Variants in ADCY10 observed in about 807,000 individuals in gnomAD.
The protein encoded by ADCY10 is adenylate cyclase type 10.
A neutral mutation model predicts 183.3 loss-of-function variants in ADCY10; 156 were observed. The ratio of observed to expected loss-of-function variants is 0.85; its 90% CI spans 0.75 to 0.97. The LOEUF is 0.97. ADCY10 is among the 50% of genes least tolerant of loss of function. ADCY10 has a pLI of 0.00. For missense variants in ADCY10, 1,745 were observed against 1,934.3 expected, an observed-to-expected ratio of 0.90 and a Z score of 1.84; for synonymous variants, 645 against 670.0, an observed-to-expected ratio of 0.96 and a Z score of 0.58.
At chr1:167,873,268 G>A (rs1404732452) in intron 13 of ADCY10, among the ~76,000 whole-genome samples, 2 of 152,224 alleles carry the variant, frequency 1.3e-5, no homozygotes, top group Admixed American at 6.5e-5. Flanking sequence ...TTTGGAATCT[G>A]GACTTAAATG....
chr1:167,854,946 C>T (rs1364092033), intron 17 of ADCY10, among the ~76,000 whole-genome samples: 1 of 152,158 alleles, frequency 6.6e-6, no homozygotes, highest in Non-Finnish European at 1.5e-5. Context: ...GCAGGGCAAC[C>T]TCATTGCAGA....
intron 6 of ADCY10, among the ~76,000 whole-genome samples, chr1:167,897,607 G>T (rs77614328): frequency 0.53 from 136 of 256 alleles, 68 homozygotes; most frequent in East Asian, 1. Context: ...AGAGATGTGT[G>T]TGACAACATC....
chr1:167,836,520 T>A lies in ADCY10; in HGVS notation c.3098A>T (p.Lys1033Met), dbSNP rs1479516263. 1 of 1,608,920 alleles carries A rather than the reference T, an allele frequency of 6.2e-7. No homozygotes were observed. Among genetic ancestry groups the A allele is most frequent in the Admixed American group, 1.7e-5 (1 of 60,020 alleles). ...ENRSPEEIRE[K>M]ILNFFDHVLT... ...AACGTGGTCAAAGAAATTCAAGATC[T>A]TTTCTCTTATTTCTTCAGGACTGTC... is the stretch of plus-strand genomic sequence containing the variant. Residue 1033 changes from lysine (K) to methionine (M), a missense_variant, in exon 23 of 33, where the codon AAG becomes ATG. Physicochemically the swap from Lys to Met is moderately conservative, Grantham distance 95. Transcript: ENST00000367851.
intron 18 of ADCY10, among the ~76,000 whole-genome samples, chr1:167,853,674 T>C (rs1217763528): frequency 6.6e-6 from 1 of 152,118 alleles, no homozygotes. Context: ...TCCCTGTATA[T>C]ATCTGTGTAG....
chr1:167,851,341 C>T (rs1250421611), intron 18 of ADCY10, among the ~76,000 whole-genome samples: 1 of 151,936 alleles, frequency 6.6e-6, no homozygotes, highest in Non-Finnish European at 1.5e-5. Flanking sequence ...CGTGCGACAC[C>T]ACACCCGGCT....
intron 30 of ADCY10, among the ~76,000 whole-genome samples, chr1:167,819,421 TAG>T (rs1282926352): frequency 6.6e-6 from 1 of 152,038 alleles, no homozygotes; most frequent in Non-Finnish European, 1.5e-5. Flanking sequence ...ATATTTTTAG[TAG>T]AGACACGGTT....
chr1:167,836,754 G>A (rs1245557394), intron 22 of ADCY10, among the ~76,000 whole-genome samples: 2 of 152,114 alleles, frequency 1.3e-5, no homozygotes, highest in East Asian at 1.9e-4. Context: ...GGCCGGGTGC[G>A]GTGGCTCATG....
rs141604385 is a variant in ADCY10, at chr1:167,856,266, C to T, written c.2070G>A (p.Arg690=). The part of the protein sequence containing the change: ...CAAARAVIKN[R]NTTYIVIGAV... Reference sequence around the variant, plus strand: ...CACCAATGACAATGTAGGTGGTGTTCCTGTTCTTTATTACGGCCCTGGCAG... The same window carrying T: ...CACCAATGACAATGTAGGTGGTGTTTCTGTTCTTTATTACGGCCCTGGCAG... Residue 690 remains arginine, a synonymous_variant, in exon 17 of 33, where the codon AGG becomes AGA. Transcript: ENST00000367851. The T allele has an allele frequency of 4.3e-6, 7 of 1,613,844 alleles. No homozygotes were observed. Among genetic ancestry groups the T allele is most frequent in the Non-Finnish European group, 5.9e-6 (7 of 1,179,870 alleles).
In ADCY10 at chr1:167,861,764, C is replaced by T. The variant is rs547270196; in HGVS notation, c.1617-701G>A. 4.5e-4 allele frequency among the ~76,000 whole-genome samples: 68 copies of T among 152,278 alleles called. 1 individual carries two copies. In the South Asian group the frequency reaches 0.012, roughly 27 times the overall value. On this transcript the variant is annotated intron_variant, in intron 14 of 32. Coordinates refer to ENST00000367851, the MANE Select transcript of ADCY10 (RefSeq NM_018417.6). ...CTGATATGGTTTGGCTCTGTGTCCT[C>T]ACCCAAATCTCATCCCGTATTGCAA...
chr1:167,837,377 T>A, intron 21 of ADCY10, 59 bp from the exon 22 acceptor site: 4 of 1,418,714 alleles, frequency 2.8e-6, no homozygotes, highest in Non-Finnish European at 2.0e-6. Flanking sequence ...AGTGGAGATA[T>A]CTGCTGTCTA....
rs111677602 is a variant in ADCY10, at chr1:167,870,788, G to A, written c.1463-378C>T. Among the ~76,000 whole-genome samples the A allele has an allele frequency of 6.0e-3, 895 of 149,140 alleles. 10 individuals carry two copies. The highest frequency in any genetic ancestry group is 0.021 in the African/African-American group (840 of 40,220). Reference sequence around the variant, plus strand: ...CCTGCCATTGCACTCCAGCCTGGGCGACAAGCAAAACTCCATCTAAAAAAA... The same window carrying A: ...CCTGCCATTGCACTCCAGCCTGGGCAACAAGCAAAACTCCATCTAAAAAAA... On this transcript the variant is annotated intron_variant, in intron 13 of 32. Coordinates refer to ENST00000367851, the MANE Select transcript of ADCY10 (RefSeq NM_018417.6).
chr1:167,864,216 ATG>A (rs946197611), intron 14 of ADCY10, among the ~76,000 whole-genome samples: 8 of 152,190 alleles, frequency 5.3e-5, no homozygotes, highest in African/African-American at 1.9e-4. Flanking sequence ...TGTGGTGTGC[ATG>A]TGGTGTGAGA....
At chr1:167,872,335 T>C (rs1453489933) in intron 13 of ADCY10, among the ~76,000 whole-genome samples, 3 of 146,692 alleles carry the variant, frequency 2.0e-5, no homozygotes, top group Admixed American at 6.9e-5. Context: ...CAAAACTCCA[T>C]CTCAAAAAAA....
chr1:167,835,282 T>G (rs1212974297), intron 23 of ADCY10, among the ~76,000 whole-genome samples: 5 of 152,304 alleles, frequency 3.3e-5, no homozygotes, highest in African/African-American at 1.2e-4. Context: ...TAGCCTGGCC[T>G]TTACCCTTCT....
chr1:167,888,496 TA>T, intron 8 of ADCY10, among the ~76,000 whole-genome samples: 1 of 152,172 alleles, frequency 6.6e-6, no homozygotes, highest in Middle Eastern at 3.4e-3. Flanking sequence ...GGTTAATTAC[TA>T]GGTACTTTAT....
intron 14 of ADCY10, among the ~76,000 whole-genome samples, chr1:167,865,822 C>G (rs1009118409): frequency 6.6e-6 from 1 of 152,246 alleles, no homozygotes; most frequent in Admixed American, 6.5e-5. Context: ...CAGAGGCCCT[C>G]ATTGTCCCCC....
chr1:167,866,213 G>A (rs185285798), intron 14 of ADCY10, among the ~76,000 whole-genome samples: 54 of 152,194 alleles, frequency 3.5e-4, no homozygotes, highest in African/African-American at 1.3e-3. Context: ...TTTCACCCTG[G>A]CATTTCATCA....
chr1:167,898,609 A>ATTT (rs1669173575), intron 6 of ADCY10, among the ~76,000 whole-genome samples: 1 of 150,014 alleles, frequency 6.7e-6, no homozygotes, highest in Non-Finnish European at 1.5e-5. Context: ...TTTTTTTTTA[A>ATTT]AAAAAGAATG....
intron 24 of ADCY10, among the ~76,000 whole-genome samples, chr1:167,833,689 G>C (rs1199051834): frequency 1.3e-5 from 2 of 149,174 alleles, no homozygotes; most frequent in South Asian, 2.1e-4. Flanking sequence ...AATTTGCAGA[G>C]AGCCGATATC....
Sources: gnomAD v4.1 joint callset for allele counts (sites outside exome capture counted in the v4.1 genomes callset) on GRCh38, gnomAD v4.1.1 for gene constraint, MANE v1.5 for transcripts, NCBI Gene and HGNC (gene_info 2026-07-23, HGNC 2026-07-21) for gene names.